Variants in PCDHGA4 observed in about 807,000 individuals in gnomAD.
PCDHGA4 encodes the protein protocadherin gamma-A4.
PCDHGA4 carries 38 observed loss-of-function variants against 54.6 expected under a neutral mutation model. That is an observed-to-expected ratio of 0.70 (90% confidence interval 0.54 to 0.91). The LOEUF (loss-of-function observed/expected upper bound fraction) is 0.91, where lower values mean the gene tolerates loss of function less well. Ranked by LOEUF, PCDHGA4 falls within the 40% of genes least tolerant of loss-of-function variation. PCDHGA4 has a pLI of 0.00. For missense variants in PCDHGA4, 1,298 were observed against 1,220.9 expected (o/e 1.06, Z -0.94); for synonymous variants, 511 against 512.9 (o/e 1.00, Z 0.05).
At chr5:141,414,722 G>T in intron 1 of PCDHGA4, 1 of 1,614,128 alleles carries the variant, frequency 6.2e-7, no homozygotes, top group South Asian at 1.1e-5. Flanking sequence ...TCAGACACTG[G>T]CGTCCTGTAT....
intron 1 of PCDHGA4, chr5:141,414,409 A>G: frequency 1.2e-6 from 2 of 1,613,870 alleles, no homozygotes; most frequent in Non-Finnish European, 8.5e-7. Flanking sequence ...GGTGATACAC[A>G]GAGCCCTTGA....
At chr5:141,400,789 CTT>C in intron 1 of PCDHGA4, 1 of 561,962 alleles carries the variant, frequency 1.8e-6, no homozygotes, top group Non-Finnish European at 3.1e-6. Flanking sequence ...TTTTTGTCCT[CTT>C]TCTCAAAGCT....
chr5:141,459,232 G>C (rs1293027771), intron 1 of PCDHGA4, among the ~76,000 whole-genome samples: 1 of 152,152 alleles, frequency 6.6e-6, no homozygotes, highest in Non-Finnish European at 1.5e-5. Context: ...GCAACAACTG[G>C]TCTGCTTCCT....
intron 1 of PCDHGA4, chr5:141,384,782 C>G (rs746906389): frequency 6.2e-7 from 1 of 1,613,642 alleles, no homozygotes; most frequent in Non-Finnish European, 8.5e-7. Flanking sequence ...GAGGTGCGCA[C>G]GGCTCGGGCC....
At chr5:141,423,099 G>C (rs1344463949) in intron 1 of PCDHGA4, 1 of 1,613,826 alleles carries the variant, frequency 6.2e-7, no homozygotes, top group Non-Finnish European at 8.5e-7. Flanking sequence ...GGGAGCACAC[G>C]GGCGAGGTGC....
chr5:141,366,591 C>A, intron 1 of PCDHGA4: 1 of 1,614,246 alleles, frequency 6.2e-7, no homozygotes, highest in East Asian at 2.2e-5. Context: ...CAGACCTATT[C>A]CCACGAGGTC....
intron 1 of PCDHGA4, chr5:141,399,141 C>T (rs778835051): frequency 1.9e-6 from 3 of 1,613,660 alleles, no homozygotes; most frequent in African/African-American, 1.3e-5. Flanking sequence ...ATGAAAATGA[C>T]AATAGCCCAG....
rs539905795 is a variant in PCDHGA4, at chr5:141,419,910, C to T, written c.2514+62289C>T. 1.5e-5 allele frequency: 25 copies of T among 1,614,086 alleles called. No individual in the cohort carries two copies. In the South Asian group the frequency reaches 2.4e-4, roughly 16 times the overall value. On this transcript the variant is annotated intron_variant, in intron 1 of 3. Coordinates refer to ENST00000571252, the MANE Select transcript of PCDHGA4 (RefSeq NM_018917.4). ...AGCGACCATCCCACACCCTCTGACT[C>T]CCAGGCTGAGATGCAGTTTTACCTG...
At chr5:141,427,812 G>C (rs1380721111) in intron 1 of PCDHGA4, 1 of 1,524,406 alleles carries the variant, frequency 6.6e-7, no homozygotes, top group Non-Finnish European at 9.0e-7. Flanking sequence ...CGCACAGAGC[G>C]GGGTGGTGGT....
intron 1 of PCDHGA4, chr5:141,365,461 A>G (rs1237743383): frequency 6.2e-7 from 1 of 1,614,022 alleles, no homozygotes; most frequent in Admixed American, 1.7e-5. Flanking sequence ...GTGATTCTGG[A>G]GAAAATGGTG....
chr5:141,454,796 A>ATTTTTTTTTTTTTT lies in PCDHGA4; in HGVS notation c.2515-39995_2515-39982dup, dbSNP rs61612330. ...AAGGAAATAATCCTCCATGGTTCTA[A>ATTTTTTTTTTTTTT]TTTTTTTTTTTTTTTTTTTTTTTTT... On this transcript the variant is annotated intron_variant, in intron 1 of 3. Coordinates refer to ENST00000571252, the MANE Select transcript of PCDHGA4 (RefSeq NM_018917.4). 1.1e-3 allele frequency among the ~76,000 whole-genome samples: 87 copies of ATTTTTTTTTTTTTT among 77,456 alleles called. 11 individuals carry two copies. The highest frequency in any genetic ancestry group is 1.4e-3 in the Admixed American group (8 of 5,554). The allele number at this position is 77,456 out of a possible 152,430, so 50.8% of individuals were successfully genotyped here.
At chr5:141,454,092 T>C (rs552760379) in intron 1 of PCDHGA4, among the ~76,000 whole-genome samples, 2 of 152,316 alleles carry the variant, frequency 1.3e-5, no homozygotes, top group East Asian at 3.9e-4. Flanking sequence ...GAAATTTGAA[T>C]TGAACATAAA....
At chr5:141,374,364 A>C in intron 1 of PCDHGA4, 2 of 1,614,024 alleles carry the variant, frequency 1.2e-6, no homozygotes, top group Non-Finnish European at 1.7e-6. Context: ...GACCGCGAGG[A>C]GCTCTGTGCT....
At chr5:141,433,020 C>G (rs761127608) in intron 1 of PCDHGA4, 5 of 1,614,152 alleles carry the variant, frequency 3.1e-6, no homozygotes, top group East Asian at 2.2e-5. Flanking sequence ...CAGACCTATT[C>G]CCACGAGGTT....
At chr5:141,414,396 A>G in intron 1 of PCDHGA4, 1 of 1,613,884 alleles carries the variant, frequency 6.2e-7, no homozygotes, top group Non-Finnish European at 8.5e-7. Flanking sequence ...GTTATTACAG[A>G]TTGGTGATAC....
Position 141,477,209 on chromosome 5 carries a change from G to A in PCDHGA4, c.2515-17598G>A. ...CGTGTACAGCCCAGTACCCGAGGAT[G>A]CCCCTCTGGGGACTGTCATCGCTTT... is the stretch of plus-strand genomic sequence containing the variant. On this transcript the variant is annotated intron_variant, in intron 1 of 3. Coordinates refer to ENST00000571252, the MANE Select transcript of PCDHGA4 (RefSeq NM_018917.4). This position sits in a 1 kb window ranked among gnomAD's most constrained non-coding sequence, Gnocchi z 4.9. The A allele has an allele frequency of 6.2e-7, 1 of 1,614,194 alleles. No homozygotes were observed.
chr5:141,362,638 T>C, intron 1 of PCDHGA4: 5 of 1,469,888 alleles, frequency 3.4e-6, no homozygotes, highest in Non-Finnish European at 4.5e-6. Context: ...CGTATTTCTT[T>C]GTCTGTGAGT....
intron 1 of PCDHGA4, chr5:141,362,041 G>T (rs767982105): frequency 2.5e-6 from 4 of 1,610,230 alleles, no homozygotes; most frequent in Admixed American, 1.7e-5. Context: ...GGGCGACAGG[G>T]ACGCGGCCCG....
At chr5:141,407,175 C>T (rs752092856) in intron 1 of PCDHGA4, among the ~76,000 whole-genome samples, 39 of 152,166 alleles carry the variant, frequency 2.6e-4, no homozygotes, top group Non-Finnish European at 5.4e-4. Flanking sequence ...TTATGACATA[C>T]AGACATTTTA....
Sources: allele counts gnomAD v4.1 joint callset (sites outside exome capture counted in the v4.1 genomes callset), GRCh38; gene constraint gnomAD v4.1.1; non-coding constraint Gnocchi (gnomAD v3.1); transcripts MANE v1.5; gene names NCBI Gene and HGNC (gene_info 2026-07-23, HGNC 2026-07-21).